Variants in DIAPH2 observed in about 807,000 individuals in gnomAD.
DIAPH2 encodes the protein protein diaphanous homolog 2.
Under a neutral mutation model 92.7 loss-of-function variants are expected in DIAPH2, and 35 were observed. The ratio of observed to expected loss-of-function variants is 0.38; its 90% confidence interval spans 0.29 to 0.50. The LOEUF is 0.50. Among genes scored for constraint, DIAPH2 ranks in the 20% least tolerant of loss-of-function variants. The pLI is 0.94. For missense variants in DIAPH2, 701 were observed against 819.5 expected, an observed-to-expected ratio of 0.86 and a Z score of 1.77; for synonymous variants, 301 against 280.4, an observed-to-expected ratio of 1.07 and a Z score of -0.73.
chrX:97,367,866 C>A (rs909413708), intron 24 of DIAPH2, among the ~76,000 whole-genome samples: 1 of 110,895 alleles, frequency 9.0e-6, no homozygotes, highest in African/African-American at 3.3e-5. Flanking sequence ...CCAGGCCCAG[C>A]TAATTTTTTT....
chrX:97,144,956 G>A (rs1016742828), intron 22 of DIAPH2, among the ~76,000 whole-genome samples: 4 of 110,795 alleles, frequency 3.6e-5, no homozygotes, highest in African/African-American at 6.6e-5. Context: ...TAGTACAGAT[G>A]GGGTTTCACC....
At chrX:97,584,870 A>G (rs780845490) in intron 26 of DIAPH2, among the ~76,000 whole-genome samples, 1 of 112,883 alleles carries the variant, frequency 8.9e-6, no homozygotes, top group South Asian at 3.6e-4. Context: ...CACAAGGATT[A>G]CATCCGTATA....
intron 4 of DIAPH2, among the ~76,000 whole-genome samples, chrX:96,834,733 G>A (rs903043820): frequency 1.8e-5 from 2 of 111,562 alleles, no homozygotes; most frequent in Non-Finnish European, 3.8e-5. Flanking sequence ...GTAAGGAAGG[G>A]ATTTATGAGA....
At chrX:96,730,000 A>G (rs1003552263) in intron 1 of DIAPH2, among the ~76,000 whole-genome samples, 3 of 112,041 alleles carry the variant, frequency 2.7e-5, no homozygotes, top group Admixed American at 9.5e-5. Context: ...GGGCAGGGCC[A>G]TATCTCTCTA....
intron 4 of DIAPH2, among the ~76,000 whole-genome samples, chrX:96,870,437 ATT>A (rs10600564): frequency 0.31 from 24,298 of 79,517 alleles, 2,796 homozygotes; most frequent in Admixed American, 0.38. Context: ...AATTTTTTGT[ATT>A]TTTTTTTTTT....
intron 4 of DIAPH2, among the ~76,000 whole-genome samples, chrX:96,803,373 G>T (rs2064598886): frequency 9.0e-6 from 1 of 111,538 alleles, no homozygotes; most frequent in African/African-American, 3.3e-5. Context: ...ATCAATTTAT[G>T]TTTGCCTGCT....
At chrX:97,035,884 C>T (rs1264928424) in intron 17 of DIAPH2, among the ~76,000 whole-genome samples, 1 of 109,257 alleles carries the variant, frequency 9.2e-6, no homozygotes, top group Non-Finnish European at 1.9e-5. Flanking sequence ...TGGCATGCGC[C>T]TGTTGTCCCA....
At chrX:96,836,696 TA>T (rs2064889818) in intron 4 of DIAPH2, among the ~76,000 whole-genome samples, 1 of 18,759 alleles carries the variant, frequency 5.3e-5, no homozygotes, top group Non-Finnish European at 9.3e-5. Flanking sequence ...TATATATATA[TA>T]TATATATATA....
chrX:97,425,593 G>A (rs1189380705), intron 25 of DIAPH2, among the ~76,000 whole-genome samples: 1 of 109,129 alleles, frequency 9.2e-6, no homozygotes, highest in African/African-American at 3.3e-5. Flanking sequence ...TGGCCAACAT[G>A]GTGAAACCTT....
intron 23 of DIAPH2, among the ~76,000 whole-genome samples, chrX:97,277,967 T>G (rs1215199309): frequency 8.9e-6 from 1 of 111,800 alleles, no homozygotes; most frequent in African/African-American, 3.2e-5. Flanking sequence ...TGCCTAAGCC[T>G]CCGGAGTAGC....
intron 25 of DIAPH2, among the ~76,000 whole-genome samples, chrX:97,426,490 A>G (rs1428575416): frequency 9.1e-6 from 1 of 109,768 alleles, no homozygotes; most frequent in African/African-American, 3.3e-5. Context: ...GGGTTTCACC[A>G]TGTTGGTCAG....
chrX:97,003,719 G>A (rs2066160456), intron 17 of DIAPH2, among the ~76,000 whole-genome samples: 1 of 111,520 alleles, frequency 9.0e-6, no homozygotes. Flanking sequence ...CTTGTCAGGT[G>A]GGCATTTCAC....
At chrX:96,876,379 A>G (rs1320454404) in intron 4 of DIAPH2, among the ~76,000 whole-genome samples, 1 of 111,875 alleles carries the variant, frequency 8.9e-6, no homozygotes, top group Non-Finnish European at 1.9e-5. Context: ...AGAACTAGAA[A>G]TACCATTTGA....
chrX:96,901,218 A>G (rs751814821), intron 5 of DIAPH2, among the ~76,000 whole-genome samples: 2 of 109,897 alleles, frequency 1.8e-5, no homozygotes, highest in African/African-American at 3.3e-5. Flanking sequence ...GAATTTATCC[A>G]TTTCCTCTAG....
At chrX:97,185,479 A>G (rs1488160987) in intron 22 of DIAPH2, among the ~76,000 whole-genome samples, 65 of 2,951 alleles carry the variant, frequency 0.022, 2 homozygotes, top group Non-Finnish European at 0.042. Context: ...ATACACATAT[A>G]TATATATATA....
intron 17 of DIAPH2, among the ~76,000 whole-genome samples, chrX:97,066,489 G>T (rs960371969): frequency 4.5e-5 from 5 of 111,594 alleles, no homozygotes; most frequent in Non-Finnish European, 9.4e-5. Context: ...ATCTAAAGAA[G>T]AACTTCTCAG....
At chrX:97,446,291 G>A (rs928372730) in intron 26 of DIAPH2, among the ~76,000 whole-genome samples, 2 of 111,842 alleles carry the variant, frequency 1.8e-5, no homozygotes, top group African/African-American at 3.2e-5. Context: ...TCAAACTACA[G>A]TGCATATTTA....
intron 26 of DIAPH2, among the ~76,000 whole-genome samples, chrX:97,576,027 C>T (rs1268736022): frequency 9.0e-6 from 1 of 111,219 alleles, no homozygotes; most frequent in East Asian, 2.8e-4. Context: ...AAAGCTGTCT[C>T]CCATACTAGC....
intron 25 of DIAPH2, among the ~76,000 whole-genome samples, chrX:97,396,214 A>T (rs1351054212): frequency 8.9e-6 from 1 of 112,034 alleles, no homozygotes; most frequent in African/African-American, 3.2e-5. Flanking sequence ...TTCTCAGTCA[A>T]ATGCACTTAG....
Sources: gnomAD v4.1 joint callset for allele counts (sites outside exome capture counted in the v4.1 genomes callset) on GRCh38, gnomAD v4.1.1 for gene constraint, MANE v1.5 for transcripts, NCBI Gene and HGNC (gene_info 2026-07-23, HGNC 2026-07-21) for gene names.